The following ZNF385D variants were observed in gnomAD, a reference collection of about 807,000 sequenced individuals.
The protein encoded by ZNF385D is zinc finger protein 385D.
ZNF385D carries 15 observed loss-of-function variants against 35.8 expected under a neutral mutation model. The observed-to-expected ratio is 0.42, with a 90% CI of 0.28 to 0.64. The LOEUF (loss-of-function observed/expected upper bound fraction) is 0.64, where lower values mean the gene tolerates loss of function less well. Among genes scored for constraint, ZNF385D ranks in the 30% least tolerant of loss-of-function variants. The pLI, the probability that ZNF385D is intolerant of heterozygous loss-of-function variation, is 0.23. For missense variants in ZNF385D, 474 were observed against 494.6 expected, an observed-to-expected ratio of 0.96 and a Z score of 0.39; for synonymous variants, 212 against 186.8, an observed-to-expected ratio of 1.13 and a Z score of -1.10.
At chr3:21,994,698 A>C (rs1004920983) in intron 3 of ZNF385D, among the ~76,000 whole-genome samples, 4 of 152,182 alleles carry the variant, frequency 2.6e-5, no homozygotes, top group Non-Finnish European at 4.4e-5. Context: ...ACAGGGAAAG[A>C]CTTCTTACTA....
intron 2 of ZNF385D, among the ~76,000 whole-genome samples, chr3:22,178,914 T>C (rs1695025219): frequency 1.3e-5 from 2 of 152,206 alleles, no homozygotes; most frequent in Admixed American, 6.5e-5. Context: ...GCATTATTTC[T>C]GAGGGCTCTG....
intron 3 of ZNF385D, among the ~76,000 whole-genome samples, chr3:22,018,239 G>GT (rs72430891): frequency 1.6e-4 from 24 of 147,992 alleles, no homozygotes; most frequent in East Asian, 7.9e-4. Flanking sequence ...AGGGATATGT[G>GT]TTTTTTTTTA....
At chr3:21,845,012 AAAT>A (rs755862532) in intron 3 of ZNF385D, among the ~76,000 whole-genome samples, 10,651 of 152,076 alleles carry the variant, frequency 0.07, 550 homozygotes, top group East Asian at 0.21. Flanking sequence ...GCAAACATGT[AAAT>A]AAATAAGAGA....
At chr3:22,139,898 A>G (rs1188187468) in intron 3 of ZNF385D, among the ~76,000 whole-genome samples, 2 of 152,082 alleles carry the variant, frequency 1.3e-5, no homozygotes, top group African/African-American at 4.8e-5. Context: ...AAGATAGTGA[A>G]ATATATCTAC....
At chr3:21,847,152 T>C (rs17009804) in intron 3 of ZNF385D, among the ~76,000 whole-genome samples, 5,839 of 152,120 alleles carry the variant, frequency 0.038, 390 homozygotes, top group African/African-American at 0.13. Context: ...TTTTCAGCAG[T>C]AGAAACATGG....
chr3:21,582,606 TAAAG>T lies in ZNF385D; in HGVS notation c.166-17926_166-17923del, dbSNP rs1378964461. On this transcript the variant is annotated intron_variant, in intron 2 of 7. Coordinates refer to ENST00000281523, the MANE Select transcript of ZNF385D (RefSeq NM_024697.3). ...AGCAAGACGTTCTCAGTTGTGGAGA[TAAAG>T]GAAGGATAAAGTCAAGGATATCTGA... Among the ~76,000 whole-genome samples, 10 of 152,156 alleles carry T rather than the reference TAAAG, an allele frequency of 6.6e-5. No homozygotes were observed. In the South Asian group the frequency reaches 2.1e-3, roughly 32 times the overall value.
intron 3 of ZNF385D, among the ~76,000 whole-genome samples, chr3:21,970,942 T>C (rs962949909): frequency 1.3e-5 from 2 of 151,998 alleles, no homozygotes; most frequent in Non-Finnish European, 1.5e-5. Flanking sequence ...AAAAAAAACT[T>C]TCATCTTAGA....
chr3:22,306,257 T>C (rs1429209535), intron 2 of ZNF385D, among the ~76,000 whole-genome samples: 3 of 152,080 alleles, frequency 2.0e-5, no homozygotes, highest in Non-Finnish European at 4.4e-5. Context: ...TCTTCTGGTT[T>C]TTCTGGCAAG....
intron 3 of ZNF385D, among the ~76,000 whole-genome samples, chr3:21,902,877 TAGTAGGAGTA>T (rs1268424489): frequency 6.6e-6 from 1 of 152,138 alleles, no homozygotes; most frequent in East Asian, 1.9e-4. Flanking sequence ...TACACCCCTT[TAGTAGGAGTA>T]ACTGGCTGCT....
intron 3 of ZNF385D, among the ~76,000 whole-genome samples, chr3:21,856,660 T>C (rs3907355): frequency 0.035 from 5,375 of 152,084 alleles, 333 homozygotes; most frequent in African/African-American, 0.12. Context: ...CTTTCCACCA[T>C]CGATACCCAG....
At chr3:21,714,881 ATATTAAAATGGT>A (rs2068251199) in intron 1 of ZNF385D, among the ~76,000 whole-genome samples, 2 of 152,230 alleles carry the variant, frequency 1.3e-5, no homozygotes, top group African/African-American at 4.8e-5. Context: ...ACACACATGC[ATATTAAAATGGT>A]TACTAAAATG....
intron 2 of ZNF385D, among the ~76,000 whole-genome samples, chr3:22,220,765 T>C (rs1328650291): frequency 6.6e-6 from 1 of 152,158 alleles, no homozygotes; most frequent in East Asian, 1.9e-4. Context: ...TTCAACACAA[T>C]CTACCACTAC....
intron 3 of ZNF385D, among the ~76,000 whole-genome samples, chr3:21,874,936 G>A (rs1416519532): frequency 6.6e-6 from 1 of 151,904 alleles, no homozygotes; most frequent in African/African-American, 2.4e-5. Flanking sequence ...CAGCATATAA[G>A]GCTTTGTGTT....
intron 3 of ZNF385D, among the ~76,000 whole-genome samples, chr3:21,800,328 T>C (rs2072338173): frequency 6.6e-6 from 1 of 152,232 alleles, no homozygotes; most frequent in African/African-American, 2.4e-5. Context: ...TTAGATTGCC[T>C]TGGGTAGTAG....
chr3:22,030,099 T>G (rs1424351302), intron 3 of ZNF385D, among the ~76,000 whole-genome samples: 1 of 151,176 alleles, frequency 6.6e-6, no homozygotes, highest in African/African-American at 2.4e-5. Context: ...CCTCCCAGTC[T>G]ATATCTTTCT....
At chr3:22,289,931 A>G (rs779349306) in intron 2 of ZNF385D, among the ~76,000 whole-genome samples, 2 of 152,148 alleles carry the variant, frequency 1.3e-5, no homozygotes, top group African/African-American at 4.8e-5. Flanking sequence ...AAGCTTGACT[A>G]TAAGCAGCAG....
At chr3:21,624,035 C>G (rs1485397089) in intron 2 of ZNF385D, among the ~76,000 whole-genome samples, 4 of 152,032 alleles carry the variant, frequency 2.6e-5, no homozygotes, top group African/African-American at 9.7e-5. Flanking sequence ...TGGATTGAAG[C>G]ATAAATCTAG....
intron 3 of ZNF385D, among the ~76,000 whole-genome samples, chr3:21,818,918 C>G (rs1302112135): frequency 6.6e-6 from 1 of 151,878 alleles, no homozygotes; most frequent in Non-Finnish European, 1.5e-5. Context: ...TGAATCTAAA[C>G]CAACTTTGAT....
At chr3:22,033,754 A>G (rs1698150061) in intron 3 of ZNF385D, among the ~76,000 whole-genome samples, 1 of 152,214 alleles carries the variant, frequency 6.6e-6, no homozygotes, top group South Asian at 2.1e-4. Context: ...GCAATTTTCC[A>G]TAGAACCCCT....
Sources: allele counts gnomAD v4.1 joint callset (sites outside exome capture counted in the v4.1 genomes callset), GRCh38; gene constraint gnomAD v4.1.1; transcripts MANE v1.5; gene names NCBI Gene and HGNC (gene_info 2026-07-23, HGNC 2026-07-21).